Variants in POU6F1 observed in about 807,000 individuals in gnomAD.
POU6F1 encodes the protein POU class 6 homeobox 1.
Under a neutral mutation model 28.9 loss-of-function variants are expected in POU6F1, and 9 were observed. The observed-to-expected ratio is 0.31, with a 90% CI of 0.19 to 0.54. The LOEUF (loss-of-function observed/expected upper bound fraction) is 0.54. Ranked by LOEUF, POU6F1 falls within the 20% of genes least tolerant of loss-of-function variation. The pLI is 0.94. For synonymous variants in POU6F1, 173 were observed against 171.1 expected (o/e 1.01, Z -0.09); for missense variants, 338 against 426.1 (o/e 0.79, Z 1.82).
intron 2 of POU6F1, among the ~76,000 whole-genome samples, chr12:51,205,170 G>C (rs1943496895): frequency 6.6e-6 from 1 of 151,492 alleles, no homozygotes; most frequent in Non-Finnish European, 1.5e-5. Context: ...CTCCCGAGTA[G>C]CTGGGACTAC....
At position 51,204,241 on chromosome 12, in the gene POU6F1, G is replaced by A; in HGVS notation, c.176C>T (p.Pro59Leu). 1 of 399,136 alleles carries A rather than the reference G, an allele frequency of 2.5e-6. No individual in the cohort carries two copies. Among genetic ancestry groups the A allele is most frequent in the Non-Finnish European group, 4.4e-6 (1 of 226,162 alleles). The allele number at this position is 399,136 out of a possible 1,614,324, so 24.7% of individuals were successfully genotyped here. ...VAAEGSQSGD[P>L]AEASQAAGEA... Reference sequence around the variant, plus strand: ...ACCAGCAGCTTGACTGGCTTCAGCAGGGTCTCCGCTCTGGGAGCCCTCGGC... The same window carrying A: ...ACCAGCAGCTTGACTGGCTTCAGCAAGGTCTCCGCTCTGGGAGCCCTCGGC... Residue 59 changes from proline to leucine, a missense_variant, in exon 3 of 11, where the codon CCT (proline) becomes CTT (leucine). Pro to Leu is a moderately conservative substitution (Grantham distance 98). Around this residue, in one of 3 missense-constraint regions of POU6F1, gnomAD observed 206 missense variants for 225.6 expected, o/e 0.91. Transcript: ENST00000333640.
At chr12:51,206,161 C>T (rs1252974328) in intron 2 of POU6F1, among the ~76,000 whole-genome samples, 5 of 149,602 alleles carry the variant, frequency 3.3e-5, no homozygotes, top group East Asian at 2.0e-4. Context: ...CGGTGGCTCA[C>T]GCCTGTAATT....
At chr12:51,207,697 TAAATA>T (rs753014127) in intron 1 of POU6F1, 1 of 152,204 alleles carries the variant, frequency 6.6e-6, no homozygotes, top group Non-Finnish European at 1.5e-5. Context: ...TCTCACTAAA[TAAATA>T]AAATACAGAG....
chr12:51,193,904 G>C (rs555076863), intron 8 of POU6F1, among the ~76,000 whole-genome samples: 1 of 152,092 alleles, frequency 6.6e-6, no homozygotes, highest in Admixed American at 6.6e-5. Context: ...TCTACCCCTG[G>C]TACGTCTCAA....
chr12:51,193,253 G>C (rs1050596143), intron 8 of POU6F1, among the ~76,000 whole-genome samples: 1 of 152,178 alleles, frequency 6.6e-6, no homozygotes, highest in Non-Finnish European at 1.5e-5. Flanking sequence ...AAGGGAGAAG[G>C]TATACCTCTT....
In POU6F1 at chr12:51,190,077, T is replaced by A; in HGVS notation, c.*170A>T. On this transcript the variant is annotated 3_prime_UTR_variant, in exon 11 of 11. Coordinates refer to ENST00000333640, the MANE Select transcript of POU6F1 (RefSeq NM_001330422.2). This position sits in a 1 kb window ranked among gnomAD's most constrained non-coding sequence, Gnocchi z 4.5. ...CCTCTGGCCTCCCCATGATGTGAGA[T>A]GTGTGGGAGAAAAGAGGGACATTGA... The A allele has an allele frequency of 8.1e-7, 1 of 1,231,584 alleles. No homozygotes were observed. The highest frequency in any genetic ancestry group is 1.1e-6 in the Non-Finnish European group (1 of 912,848). The allele number at this position is 1,231,584 out of a possible 1,614,324, so 76.3% of individuals were successfully genotyped here.
rs753619108 is a variant in POU6F1, at chr12:51,190,610, C to G, written c.1491-18G>C. On this transcript the variant is annotated intron_variant, in intron 10 of 10. Coordinates refer to ENST00000333640, the MANE Select transcript of POU6F1 (RefSeq NM_001330422.2). This position sits in a 1 kb window ranked among gnomAD's most constrained non-coding sequence, Gnocchi z 4.5. The stretch of plus-strand genomic sequence containing the variant: ...TCTCGAACCTGTGGGCAACCCATAC[C>G]CAGGAAGAGGCAGTGAGAGCATGTT... 27 of 1,608,254 alleles carry G rather than the reference C, an allele frequency of 1.7e-5. No individual in the cohort carries two copies. The highest frequency in any genetic ancestry group is 2.1e-5 in the Non-Finnish European group (25 of 1,176,668).
At position 51,190,735 on chromosome 12, in the gene POU6F1, C is replaced by T; in HGVS notation, c.1491-143G>A. 3 of 1,302,158 alleles carry T rather than the reference C, an allele frequency of 2.3e-6. No individual in the cohort carries two copies. Among genetic ancestry groups the T allele is most frequent in the Non-Finnish European group, 2.1e-6 (2 of 971,850 alleles). The allele number at this position is 1,302,158 out of a possible 1,614,324, so 80.7% of individuals were successfully genotyped here. On this transcript the variant is annotated intron_variant, in intron 10 of 10. Transcript: ENST00000333640. The surrounding 1 kb of genome is among the most constrained non-coding windows in gnomAD (Gnocchi z 4.5). The stretch of plus-strand genomic sequence containing the variant: ...CTGTACCCAGTGCTCCCCTCACCAC[C>T]TCCACCAAGACCCCTCTAGTTTGGC...
At chr12:51,203,401 C>T (rs886442695) in intron 3 of POU6F1, among the ~76,000 whole-genome samples, 28 of 152,154 alleles carry the variant, frequency 1.8e-4, no homozygotes, top group African/African-American at 6.7e-4. Context: ...AGGGCACTGC[C>T]CCTTGGGAAC....
Position 51,217,072 on chromosome 12 carries a change from T to C in POU6F1, c.-48+570A>G, listed in dbSNP as rs1231021384. Among the ~76,000 whole-genome samples the C allele has an allele frequency of 2.6e-5, 4 of 152,176 alleles. No individual in the cohort carries two copies. In the East Asian group the frequency reaches 5.8e-4, roughly 22 times the overall value. On this transcript the variant is annotated intron_variant, in intron 1 of 10. Coordinates refer to ENST00000333640, the MANE Select transcript of POU6F1 (RefSeq NM_001330422.2). This position sits in a 1 kb window ranked among gnomAD's most constrained non-coding sequence, Gnocchi z 5.3. ...TGCTAGAAGGTGGCCCTCCCATCAC[T>C]GACCCACCCTTCCAGCAACGCCTGG...
chr12:51,200,013 A>G (rs762373846), intron 3 of POU6F1, 145 bp from the exon 4 acceptor site: 6 of 397,446 alleles, frequency 1.5e-5, no homozygotes, highest in South Asian at 1.4e-4. Context: ...CCCAAGACCA[A>G]TTGTTGGTCT....
intron 3 of POU6F1, among the ~76,000 whole-genome samples, chr12:51,203,586 G>A (rs1565621424): frequency 6.6e-6 from 1 of 152,234 alleles, no homozygotes; most frequent in Non-Finnish European, 1.5e-5. Context: ...GTGTGGCCAT[G>A]CAGTTTCTTG....
chr12:51,208,443 G>A (rs1943770578), intron 1 of POU6F1, among the ~76,000 whole-genome samples: 2 of 152,184 alleles, frequency 1.3e-5, no homozygotes, highest in South Asian at 4.1e-4. Flanking sequence ...TATTACTCAT[G>A]CCAACCCTGG....
chr12:51,194,053 G>C (rs1942635902), intron 8 of POU6F1, among the ~76,000 whole-genome samples: 1 of 151,990 alleles, frequency 6.6e-6, no homozygotes, highest in Non-Finnish European at 1.5e-5. Context: ...TTGAGACGGA[G>C]TCTCACTTTG....
In POU6F1 at chr12:51,188,566, G is replaced by A. The variant is rs1208108602; in HGVS notation, c.*1681C>T. On this transcript the variant is annotated 3_prime_UTR_variant, in exon 11 of 11. Transcript: ENST00000333640. ...AGCACACAACTGTCCTCCTCTTACTGGCCAGGCTACCAAGAGGGTGGCCAC... is the reference window on the plus strand; with the variant it reads ...AGCACACAACTGTCCTCCTCTTACTAGCCAGGCTACCAAGAGGGTGGCCAC... The A allele has an allele frequency of 3.3e-5, 5 of 152,298 alleles. No individual in the cohort carries two copies. The highest frequency in any genetic ancestry group is 1.2e-4 in the African/African-American group (5 of 41,448). 9.4% of individuals were successfully genotyped at this position (152,298 alleles called of 1,614,324 possible). A position where few individuals can be genotyped will look rare whatever the true frequency, so the allele number is the denominator to read the frequency against.
rs1160925626 is a variant in POU6F1, at chr12:51,189,227, G to T, written c.*1020C>A. 1.3e-5 allele frequency: 2 copies of T among 152,200 alleles called. No individual in the cohort carries two copies. Among genetic ancestry groups the T allele is most frequent in the Non-Finnish European group, 2.9e-5 (2 of 68,048 alleles). The allele number at this position is 152,200 out of a possible 1,614,324, so 9.4% of individuals were successfully genotyped here. A position where few individuals can be genotyped will look rare whatever the true frequency, so the allele number is the denominator to read the frequency against. On this transcript the variant is annotated 3_prime_UTR_variant, in exon 11 of 11. Transcript: ENST00000333640. ...TCAGGATGTTGTCCTTTCCCCCAGG[G>T]CCTTGCTGTCTGGTTTATTGTTTAA...
At position 51,192,412 on chromosome 12, in the gene POU6F1, T is replaced by C. The variant is rs570465920; in HGVS notation, c.1239A>G (p.Pro413=). The part of the protein sequence containing the change: ...VPQPAVVIAS[P]APAAKPSASA... ...AGGCAGATGGCTTGGCGGCTGGAGC[T>C]GGGCTGGCAATGACCACAGCAGGCT... Residue 413 remains proline, a synonymous_variant, in exon 9 of 11, where the codon CCA becomes CCG. Coordinates refer to ENST00000333640, the MANE Select transcript of POU6F1 (RefSeq NM_001330422.2). 5 of 1,614,068 alleles carry C rather than the reference T, an allele frequency of 3.1e-6. No homozygotes were observed. The highest frequency in any genetic ancestry group is 3.3e-5 in the Admixed American group (2 of 60,016).
Position 51,196,178 on chromosome 12 carries a change from G to C in POU6F1, c.976-5C>G, listed in dbSNP as rs761119208. 6.7e-7 allele frequency: 1 copy of C among 1,501,270 alleles called. No homozygotes were observed. Among genetic ancestry groups the C allele is most frequent in the Non-Finnish European group, 8.9e-7 (1 of 1,128,032 alleles). The allele number at this position is 1,501,270 out of a possible 1,614,324, so 93.0% of individuals were successfully genotyped here. ...CCATGGAAGGGTTCCAATAACCTGG[G>C]AGGAAATAAGGCAGGGACCCCAGGT... is the stretch of plus-strand genomic sequence containing the variant. On this transcript the variant is annotated splice_region_variant and splice_polypyrimidine_tract_variant and intron_variant, in intron 7 of 10. Coordinates refer to ENST00000333640, the MANE Select transcript of POU6F1 (RefSeq NM_001330422.2).
intron 2 of POU6F1, among the ~76,000 whole-genome samples, chr12:51,205,033 GCT>G (rs1491282917): frequency 1.1e-4 from 15 of 140,790 alleles, no homozygotes; most frequent in African/African-American, 3.5e-4. Flanking sequence ...CTGGACTGCA[GCT>G]TTTTTTTTTT....
Sources: allele counts gnomAD v4.1 joint callset (sites outside exome capture counted in the v4.1 genomes callset), GRCh38; gene constraint gnomAD v4.1.1; regional missense constraint gnomAD v4.1.1; non-coding constraint Gnocchi (gnomAD v3.1); transcripts MANE v1.5; gene names NCBI Gene and HGNC (gene_info 2026-07-23, HGNC 2026-07-21).